The following COL25A1 variants were observed in gnomAD, a reference collection of about 807,000 sequenced individuals.
The protein encoded by COL25A1 is collagen type XXV alpha 1 chain, also known as collagen alpha-1(XXV) chain.
In COL25A1, 103 loss-of-function variants were observed where a neutral mutation model predicts 128.4. That is an observed-to-expected ratio of 0.80 (90% CI 0.68 to 0.94). The LOEUF is 0.94. Among genes scored for constraint, COL25A1 ranks in the 40% least tolerant of loss-of-function variants. The pLI, the probability that COL25A1 is intolerant of heterozygous loss-of-function variation, is 0.00. For missense variants in COL25A1, 745 were observed against 840.0 expected, an observed-to-expected ratio of 0.89 and a Z score of 1.40; for synonymous variants, 279 against 277.2, an observed-to-expected ratio of 1.01 and a Z score of -0.06.
intron 3 of COL25A1, among the ~76,000 whole-genome samples, chr4:109,249,908 A>C (rs1398600962): frequency 6.6e-6 from 1 of 152,214 alleles, no homozygotes; most frequent in African/African-American, 2.4e-5. Flanking sequence ...TTTGCTTCAA[A>C]TGCTCTAATT....
chr4:109,284,963 C>A (rs372120126), intron 3 of COL25A1, among the ~76,000 whole-genome samples: 3 of 151,610 alleles, frequency 2.0e-5, no homozygotes, highest in African/African-American at 4.8e-5. Context: ...AATTACGAGA[C>A]CAGCAAGAAA....
At chr4:108,816,745 T>C (rs1277465314) in intron 37 of COL25A1, among the ~76,000 whole-genome samples, 1 of 152,110 alleles carries the variant, frequency 6.6e-6, no homozygotes, top group African/African-American at 2.4e-5. Flanking sequence ...CTTTATGGAG[T>C]CATTGTGTGG....
intron 13 of COL25A1, among the ~76,000 whole-genome samples, chr4:108,905,583 TGTG>T (rs1410940713): frequency 6.6e-6 from 1 of 151,464 alleles, no homozygotes; most frequent in African/African-American, 2.4e-5. Context: ...CTTTTTTCAA[TGTG>T]GTTAACAGAA....
chr4:109,163,636 G>A (rs1772794196), intron 3 of COL25A1, among the ~76,000 whole-genome samples: 1 of 152,190 alleles, frequency 6.6e-6, no homozygotes. Context: ...GTTTTCTGAT[G>A]AATGAGGTTT....
At chr4:109,017,326 C>A (rs957620997) in intron 5 of COL25A1, among the ~76,000 whole-genome samples, 1 of 152,176 alleles carries the variant, frequency 6.6e-6, no homozygotes, top group Non-Finnish European at 1.5e-5. Flanking sequence ...TGTGTGGGAC[C>A]CAGGCTGGTA....
At chr4:108,982,359 C>A (rs992239876) in intron 6 of COL25A1, among the ~76,000 whole-genome samples, 1 of 152,124 alleles carries the variant, frequency 6.6e-6, no homozygotes, top group Non-Finnish European at 1.5e-5. Flanking sequence ...CCAAACAAAA[C>A]AAATAAACTT....
intron 6 of COL25A1, among the ~76,000 whole-genome samples, chr4:108,978,708 C>T (rs922473288): frequency 6.6e-6 from 1 of 152,116 alleles, no homozygotes; most frequent in African/African-American, 2.4e-5. Flanking sequence ...ATTTATTGTT[C>T]AGGTGACAGT....
rs564946836 is a variant in COL25A1 at position 109,108,116 on chromosome 4, G to A, written c.368-57937C>T. 1.8e-3 allele frequency among the ~76,000 whole-genome samples: 267 copies of A among 152,244 alleles called. 1 individual carries two copies. Among genetic ancestry groups the A allele is most frequent in the Non-Finnish European group, 2.9e-3 (199 of 68,022 alleles). On this transcript the variant is annotated intron_variant, in intron 3 of 37. Transcript: ENST00000399132. ...ACATATGTATACATGTGCCATGTTGGTGTGCTGCACCCACTAACTCGTCAT... is the reference window on the plus strand; with the variant it reads ...ACATATGTATACATGTGCCATGTTGATGTGCTGCACCCACTAACTCGTCAT...
chr4:108,898,533 C>A (rs188095698), intron 15 of COL25A1, among the ~76,000 whole-genome samples: 276 of 152,048 alleles, frequency 1.8e-3, no homozygotes, highest in African/African-American at 6.1e-3. Context: ...CAGGACAGGC[C>A]CAAGTAAGAA....
At chr4:108,888,759 A>C (rs1741109733) in intron 18 of COL25A1, among the ~76,000 whole-genome samples, 1 of 152,214 alleles carries the variant, frequency 6.6e-6, no homozygotes, top group Non-Finnish European at 1.5e-5. Flanking sequence ...GTATGGAAGC[A>C]TTTGCAATGA....
At chr4:108,987,418 C>T (rs1175301401) in intron 6 of COL25A1, among the ~76,000 whole-genome samples, 1 of 150,716 alleles carries the variant, frequency 6.6e-6, no homozygotes, top group Non-Finnish European at 1.5e-5. Context: ...CTCTGTCGCC[C>T]AGGCTGGAGT....
At chr4:109,230,196 A>G (rs556883315) in intron 3 of COL25A1, among the ~76,000 whole-genome samples, 1 of 152,298 alleles carries the variant, frequency 6.6e-6, no homozygotes, top group South Asian at 2.1e-4. Context: ...TCCAAACTAT[A>G]TCAAGGGGTT....
At chr4:109,025,428 T>G (rs1443792054) in intron 5 of COL25A1, among the ~76,000 whole-genome samples, 1 of 152,194 alleles carries the variant, frequency 6.6e-6, no homozygotes, top group Non-Finnish European at 1.5e-5. Flanking sequence ...GGAAGCCAAT[T>G]TATAAACATC....
chr4:109,140,099 T>A (rs961712007), intron 3 of COL25A1, among the ~76,000 whole-genome samples: 1 of 152,212 alleles, frequency 6.6e-6, no homozygotes, highest in African/African-American at 2.4e-5. Flanking sequence ...TGGTTCCAAG[T>A]CTTTGCTATT....
intron 3 of COL25A1, among the ~76,000 whole-genome samples, chr4:109,067,237 ATGG>A (rs1762523256): frequency 6.6e-6 from 1 of 152,184 alleles, no homozygotes; most frequent in Non-Finnish European, 1.5e-5. Context: ...AGAACATCCT[ATGG>A]ATATAAAAAT....
At chr4:109,025,256 A>G (rs1758146212) in intron 5 of COL25A1, among the ~76,000 whole-genome samples, 1 of 152,202 alleles carries the variant, frequency 6.6e-6, no homozygotes, top group Non-Finnish European at 1.5e-5. Context: ...AGTACCTCTG[A>G]AAAGAGACCT....
At chr4:108,856,605 A>ACT (rs1736537951) in intron 24 of COL25A1, among the ~76,000 whole-genome samples, 2 of 152,150 alleles carry the variant, frequency 1.3e-5, no homozygotes, top group Non-Finnish European at 2.9e-5. Context: ...TGATGTGAAA[A>ACT]GATAACTATA....
intron 3 of COL25A1, among the ~76,000 whole-genome samples, chr4:109,196,884 TA>T (rs1776088669): frequency 6.6e-6 from 1 of 152,208 alleles, no homozygotes; most frequent in African/African-American, 2.4e-5. Context: ...AATTATCAAG[TA>T]ATGTTAAAAT....
chr4:108,972,658 C>T (rs1186858775), intron 8 of COL25A1, among the ~76,000 whole-genome samples: 1 of 152,132 alleles, frequency 6.6e-6, no homozygotes, highest in Non-Finnish European at 1.5e-5. Context: ...AAGCAAAATA[C>T]AGAGGAAAAT....
Sources: gnomAD v4.1 joint callset for allele counts (sites outside exome capture counted in the v4.1 genomes callset) on GRCh38, gnomAD v4.1.1 for gene constraint, MANE v1.5 for transcripts, NCBI Gene and HGNC (gene_info 2026-07-23, HGNC 2026-07-21) for gene names.